LCA5: variants seen among roughly 807,000 people sequenced by gnomAD.
LCA5 encodes the protein lebercilin.
LCA5 carries 37 observed loss-of-function variants against 53.0 expected under a neutral mutation model. That is an observed-to-expected ratio of 0.70 (90% confidence interval 0.54 to 0.92). The LOEUF (loss-of-function observed/expected upper bound fraction) is 0.92, where lower values mean the gene tolerates loss of function less well. Among genes scored for constraint, LCA5 ranks in the 40% least tolerant of loss-of-function variants. LCA5 has a pLI of 0.00. For missense variants in LCA5, 806 were observed against 790.5 expected, an observed-to-expected ratio of 1.02 and a Z score of -0.23; for synonymous variants, 303 against 282.9, an observed-to-expected ratio of 1.07 and a Z score of -0.71.
intron 6 of LCA5, among the ~76,000 whole-genome samples, chr6:79,489,884 C>T (rs1769789641): frequency 6.6e-6 from 1 of 152,098 alleles, no homozygotes; most frequent in Non-Finnish European, 1.5e-5. Context: ...GCTACCCTCC[C>T]TTGCAGCTAG....
intron 1 of LCA5, among the ~76,000 whole-genome samples, chr6:79,530,709 A>G (rs1766933698): frequency 6.6e-6 from 1 of 152,100 alleles, no homozygotes; most frequent in Admixed American, 6.6e-5. Context: ...TAACTTTCCT[A>G]GAGAATGGAA....
Position 79,519,085 on chromosome 6 carries a change from C to T in LCA5, c.-191G>A. ...GCATCCAGAAGATAAACTTTTTTGC[C>T]CTGAAATTAAGGAAGGGGAAAGGAG... On this transcript the variant is annotated splice_region_variant and 5_prime_UTR_variant, in exon 2 of 8. Coordinates refer to ENST00000369846, the MANE Select transcript of LCA5 (RefSeq NM_001122769.3). 3 of 658,358 alleles carry T rather than the reference C, an allele frequency of 4.6e-6. No individual in the cohort carries two copies. Among genetic ancestry groups the T allele is most frequent in the Middle Eastern group, 4.2e-4 (1 of 2,372 alleles). 40.8% of individuals were successfully genotyped at this position (658,358 alleles called of 1,614,324 possible). A position where few individuals can be genotyped will look rare whatever the true frequency, so the allele number is the denominator to read the frequency against.
At chr6:79,538,083 T>C (rs1384408898), upstream of LCA5, among the ~76,000 whole-genome samples, 3 of 135,892 alleles carry the variant, frequency 2.2e-5, no homozygotes, top group Non-Finnish European at 3.1e-5. Flanking sequence ...CATGTCAGCC[T>C]ATTGAGCGCT....
intron 3 of LCA5, among the ~76,000 whole-genome samples, chr6:79,499,057 G>A (rs1334164235): frequency 6.6e-6 from 1 of 152,026 alleles, no homozygotes; most frequent in East Asian, 1.9e-4. Flanking sequence ...ATCCCAAGAA[G>A]CAAAGAACGA....
chr6:79,535,113 G>GA (rs1018909515), intron 1 of LCA5, among the ~76,000 whole-genome samples: 3 of 152,052 alleles, frequency 2.0e-5, no homozygotes, highest in East Asian at 1.9e-4. Context: ...TGTGTCTACT[G>GA]AAAAAAATGG....
intron 2 of LCA5, among the ~76,000 whole-genome samples, chr6:79,517,972 G>A (rs2575208): frequency 0.16 from 25,036 of 151,944 alleles, 2,606 homozygotes; most frequent in African/African-American, 0.29. Context: ...TTTTATTAAT[G>A]GGTACTGTAA....
In LCA5 at chr6:79,536,475, CT is replaced by C. The variant is rs1767125615; in HGVS notation, c.-192+689del. 2.0e-5 allele frequency among the ~76,000 whole-genome samples: 3 copies of C among 152,326 alleles called. No homozygotes were observed. In the South Asian group the frequency reaches 6.2e-4, roughly 32 times the overall value. On this transcript the variant is annotated intron_variant, in intron 1 of 7. Transcript: ENST00000369846. Reference sequence around the variant, plus strand: ...TTATATCAGATGAACTGGACCAGGGCTCTTCACTGTTAAACACTATCCCACG... The same window carrying C: ...TTATATCAGATGAACTGGACCAGGGCCTTCACTGTTAAACACTATCCCACG...
At chr6:79,523,749 T>G (rs988505984) in intron 1 of LCA5, among the ~76,000 whole-genome samples, 1 of 148,970 alleles carries the variant, frequency 6.7e-6, no homozygotes, top group South Asian at 2.1e-4. Context: ...CCCACCAACT[T>G]TCTATGGCAA....
upstream of LCA5, among the ~76,000 whole-genome samples, chr6:79,538,592 T>C (rs188029988): frequency 9.4e-4 from 143 of 152,364 alleles, 1 homozygote; most frequent in Admixed American, 5.7e-3. Flanking sequence ...CTGCTGACAC[T>C]GTTAAAATAG....
intron 4 of LCA5, 41 bp from the exon 5 acceptor site, chr6:79,492,688 GC>G (rs1387777342): frequency 2.8e-6 from 3 of 1,058,640 alleles, no homozygotes; most frequent in Non-Finnish European, 1.4e-6. Flanking sequence ...TAGAGCCTCT[GC>G]TTAAAACAAA....
intron 1 of LCA5, among the ~76,000 whole-genome samples, chr6:79,531,734 T>C (rs951299196): frequency 3.3e-5 from 5 of 152,144 alleles, no homozygotes; most frequent in African/African-American, 1.2e-4. Context: ...CCTTCCCTCC[T>C]AAAAACTCTC....
intron 1 of LCA5, among the ~76,000 whole-genome samples, chr6:79,536,226 T>G (rs189175720): frequency 1.3e-5 from 2 of 152,194 alleles, no homozygotes; most frequent in Admixed American, 6.5e-5. Flanking sequence ...AAACATAGAT[T>G]AAAATAACCA....
chr6:79,532,145 C>T (rs1308107466), intron 1 of LCA5, among the ~76,000 whole-genome samples: 1 of 152,140 alleles, frequency 6.6e-6, no homozygotes, highest in Non-Finnish European at 1.5e-5. Context: ...TTCCTTCTTC[C>T]TACATCTCTC....
At chr6:79,538,018 G>GTTTTTTTTT (rs869197362), upstream of LCA5, among the ~76,000 whole-genome samples, 160 of 44,164 alleles carry the variant, frequency 3.6e-3, 39 homozygotes, top group South Asian at 0.011. Context: ...TTGCACACAA[G>GTTTTTTTTT]TTTTTTTTTT....
intron 3 of LCA5, among the ~76,000 whole-genome samples, chr6:79,509,995 T>C (rs924238126): frequency 1.3e-5 from 2 of 152,196 alleles, no homozygotes; most frequent in Non-Finnish European, 2.9e-5. Flanking sequence ...GTAGACAAGC[T>C]TATTCTAAAA....
At chr6:79,498,736 GTTAAAAA>G (rs1441901337) in intron 3 of LCA5, among the ~76,000 whole-genome samples, 1 of 151,742 alleles carries the variant, frequency 6.6e-6, no homozygotes, top group Non-Finnish European at 1.5e-5. Context: ...TAAAAACACT[GTTAAAAA>G]TTAAAAGATT....
At chr6:79,523,054 G>A (rs182494634) in intron 1 of LCA5, among the ~76,000 whole-genome samples, 7 of 152,240 alleles carry the variant, frequency 4.6e-5, no homozygotes, top group Admixed American at 1.3e-4. Context: ...TGATGATTAT[G>A]TAAACTGATA....
At position 79,518,830 on chromosome 6, in the gene LCA5, G is replaced by A; in HGVS notation, c.65C>T (p.Ser22Phe). Residue 22 changes from serine (S) to phenylalanine (F), a missense_variant, in exon 2 of 8, where the codon TCT becomes TTT. Physicochemically the swap from Ser to Phe is radical, Grantham distance 155 (BLOSUM62 -2). Transcript: ENST00000369846. Reference protein sequence around the residue: ...QERKAGKHHYSYLSDFETPQS... With the variant: ...QERKAGKHHYFYLSDFETPQS... ...TGGCGTTTCAAAATCAGATAAGTAA[G>A]AATAATGGTGTTTGCCTGCCTTTCT... is the stretch of plus-strand genomic sequence containing the variant. The A allele has an allele frequency of 6.2e-7, 1 of 1,614,112 alleles. No homozygotes were observed. Among genetic ancestry groups the A allele is most frequent in the Non-Finnish European group, 8.5e-7 (1 of 1,179,992 alleles).
intron 2 of LCA5, among the ~76,000 whole-genome samples, chr6:79,515,967 A>G (rs1427715932): frequency 1.3e-5 from 2 of 152,060 alleles, no homozygotes; most frequent in Admixed American, 6.6e-5. Flanking sequence ...AAGCTTGACA[A>G]GTGGGTAGCC....
Sources: gnomAD v4.1 joint callset for allele counts (sites outside exome capture counted in the v4.1 genomes callset) on GRCh38, gnomAD v4.1.1 for gene constraint, MANE v1.5 for transcripts, NCBI Gene and HGNC (gene_info 2026-07-23, HGNC 2026-07-21) for gene names.